The following MCC variants were observed in gnomAD, a reference collection of about 807,000 sequenced individuals.
The protein encoded by MCC is MCC regulator of Wnt signaling pathway.
MCC carries 90 observed loss-of-function variants against 116.2 expected under a neutral mutation model. That is an observed-to-expected ratio of 0.77 (90% CI 0.65 to 0.92). MCC has a LOEUF of 0.92. MCC is among the 40% of genes least tolerant of loss of function. The pLI is 0.00. For missense variants in MCC, 1,516 were observed against 1,312.2 expected, an observed-to-expected ratio of 1.16 and a Z score of -2.40; for synonymous variants, 578 against 510.5, an observed-to-expected ratio of 1.13 and a Z score of -1.78.
At chr5:113,373,865 C>T (rs971059006) in intron 2 of MCC, among the ~76,000 whole-genome samples, 1 of 152,106 alleles carries the variant, frequency 6.6e-6, no homozygotes, top group African/African-American at 2.4e-5. Context: ...AGGATTGCTT[C>T]CCTATACATG....
At chr5:113,363,096 G>A (rs888382942) in intron 2 of MCC, among the ~76,000 whole-genome samples, 2 of 151,956 alleles carry the variant, frequency 1.3e-5, no homozygotes, top group South Asian at 2.1e-4. Context: ...TGGCCAACAC[G>A]GCAAAACCCT....
chr5:113,076,392 G>C (rs1198694690), intron 11 of MCC, among the ~76,000 whole-genome samples: 1 of 152,202 alleles, frequency 6.6e-6, no homozygotes. Context: ...GGAAAAAAAT[G>C]TTAAGGGCAG....
At chr5:113,100,054 T>C (rs1291786226) in intron 8 of MCC, among the ~76,000 whole-genome samples, 2 of 152,138 alleles carry the variant, frequency 1.3e-5, no homozygotes, top group African/African-American at 4.8e-5. Flanking sequence ...CTGGGATGAT[T>C]TACACCTGCT....
intron 3 of MCC, among the ~76,000 whole-genome samples, chr5:113,187,669 G>T (rs1207182042): frequency 6.6e-6 from 1 of 151,374 alleles, no homozygotes; most frequent in Non-Finnish European, 1.5e-5. Context: ...GCGAGAGAAT[G>T]GCGTGAACCC....
chr5:113,082,059 G>C (rs1052964107), intron 11 of MCC, among the ~76,000 whole-genome samples: 1 of 152,208 alleles, frequency 6.6e-6, no homozygotes, highest in Non-Finnish European at 1.5e-5. Flanking sequence ...GAGGCCAAGT[G>C]GTTTCCATGG....
intron 14 of MCC, among the ~76,000 whole-genome samples, chr5:113,055,903 A>C (rs1752803841): frequency 6.6e-6 from 1 of 152,222 alleles, no homozygotes; most frequent in Non-Finnish European, 1.5e-5. Flanking sequence ...AAAAGGGAAA[A>C]AATTCTTCCT....
At position 113,064,168 on chromosome 5, in the gene MCC, C is replaced by G; in HGVS notation, c.2030-1G>C. The G allele has an allele frequency of 1.2e-6, 2 of 1,606,270 alleles. No individual in the cohort carries two copies. Among genetic ancestry groups the G allele is most frequent in the Non-Finnish European group, 1.7e-6 (2 of 1,175,014 alleles). On this transcript the variant is annotated splice_acceptor_variant, in intron 13 of 18. Coordinates refer to ENST00000408903, the MANE Select transcript of MCC (RefSeq NM_001085377.2). LOFTEE classifies it high-confidence loss of function. The stretch of plus-strand genomic sequence containing the variant: ...ATGTTTTCATCCCCCGACTGGTCTC[C>G]TATGTGGCAGAGAAGCCAACGGATT...
chr5:113,456,516 G>T (rs879778347), intron 1 of MCC, among the ~76,000 whole-genome samples: 22 of 151,722 alleles, frequency 1.5e-4, no homozygotes, highest in Non-Finnish European at 3.1e-4. Flanking sequence ...GAGTGCAGTG[G>T]TGTGATCTTG....
chr5:113,325,290 G>A (rs1767525526), intron 3 of MCC, among the ~76,000 whole-genome samples: 2 of 152,180 alleles, frequency 1.3e-5, no homozygotes, highest in Admixed American at 1.3e-4. Context: ...TATAGGGGCA[G>A]CGCTTGAAAA....
chr5:113,324,651 C>T (rs1236625442), intron 3 of MCC, among the ~76,000 whole-genome samples: 1 of 152,124 alleles, frequency 6.6e-6, no homozygotes, highest in Admixed American at 6.6e-5. Flanking sequence ...GCATGAATAA[C>T]ACTACCTCTA....
intron 3 of MCC, among the ~76,000 whole-genome samples, chr5:113,328,534 T>C (rs1049918710): frequency 2.6e-5 from 4 of 152,172 alleles, no homozygotes; most frequent in African/African-American, 9.7e-5. Flanking sequence ...CCTCCAGCAT[T>C]CTCGGCAATT....
chr5:113,106,160 A>G (rs1756720209), intron 6 of MCC, among the ~76,000 whole-genome samples: 1 of 131,232 alleles, frequency 7.6e-6, no homozygotes, highest in African/African-American at 2.9e-5. Context: ...TGCCCCATTC[A>G]CACTCCTTCC....
intron 3 of MCC, among the ~76,000 whole-genome samples, chr5:113,244,973 G>A (rs1764515724): frequency 6.6e-6 from 1 of 152,134 alleles, no homozygotes; most frequent in Non-Finnish European, 1.5e-5. Flanking sequence ...AGCCATTGTG[G>A]GTTAAAAATT....
Position 113,028,975 on chromosome 5 carries a change from C to T in MCC, c.2838G>A (p.Gln946=). The T allele has an allele frequency of 6.2e-7, 1 of 1,614,030 alleles. No individual in the cohort carries two copies. The highest frequency in any genetic ancestry group is 8.5e-7 in the Non-Finnish European group (1 of 1,179,948). The change falls in exon 18 of 19, where the codon CAG becomes CAA. Residue 946 remains glutamine, a synonymous_variant. Coordinates refer to ENST00000408903, the MANE Select transcript of MCC (RefSeq NM_001085377.2). The part of the protein sequence containing the change: ...RLTKSSEIRH[Q]QSAEFVNDLK... ...GATCATTCACGAACTCTGCAGATTG[C>T]TGATGTCGGATTTCACTGCTCTTGG...
At chr5:113,092,734 A>T (rs1400730901) in intron 8 of MCC, among the ~76,000 whole-genome samples, 1 of 152,202 alleles carries the variant, frequency 6.6e-6, no homozygotes, top group Non-Finnish European at 1.5e-5. Context: ...TAGGTGGTGA[A>T]ATACTCCTTT....
In MCC at chr5:113,175,194, C is replaced by G. The variant is rs148512196; in HGVS notation, c.628-23772G>C. 1.5e-3 allele frequency among the ~76,000 whole-genome samples: 227 copies of G among 152,230 alleles called. 1 individual carries two copies. Among genetic ancestry groups the G allele is most frequent in the African/African-American group, 5.3e-3 (219 of 41,536 alleles). On this transcript the variant is annotated intron_variant, in intron 3 of 18. Coordinates refer to ENST00000408903, the MANE Select transcript of MCC (RefSeq NM_001085377.2). ...GTTACTATTCTTGAAAATAAATAGACATGTCAATAAATTTTGAAAAATGGA... is the reference window on the plus strand; with the variant it reads ...GTTACTATTCTTGAAAATAAATAGAGATGTCAATAAATTTTGAAAAATGGA...
chr5:113,271,996 G>A (rs1023825032), intron 3 of MCC, among the ~76,000 whole-genome samples: 3 of 152,118 alleles, frequency 2.0e-5, no homozygotes, highest in Non-Finnish European at 4.4e-5. Context: ...ACTCAAACAA[G>A]TAAGAATATT....
intron 1 of MCC, among the ~76,000 whole-genome samples, chr5:113,395,845 T>C (rs1769513833): frequency 1.3e-5 from 2 of 152,140 alleles, no homozygotes; most frequent in African/African-American, 4.8e-5. Context: ...TTAAAATATT[T>C]TGATGCTTAT....
At chr5:113,051,125 G>C (rs1752456502) in intron 15 of MCC, among the ~76,000 whole-genome samples, 1 of 152,164 alleles carries the variant, frequency 6.6e-6, no homozygotes, top group African/African-American at 2.4e-5. Context: ...CTAAACCTCA[G>C]AAACTGATGA....
Sources: allele counts gnomAD v4.1 joint callset (sites outside exome capture counted in the v4.1 genomes callset), GRCh38; gene constraint gnomAD v4.1.1; transcripts MANE v1.5; gene names NCBI Gene and HGNC (gene_info 2026-07-23, HGNC 2026-07-21).